Variants in HOMER2 observed in about 807,000 individuals in gnomAD.
The protein encoded by HOMER2 is homer scaffold protein 2.
Under a neutral mutation model 47.0 loss-of-function variants are expected in HOMER2, and 27 were observed. That is an observed-to-expected ratio of 0.57 (90% confidence interval 0.42 to 0.79). The LOEUF (loss-of-function observed/expected upper bound fraction) is 0.79, where lower values mean the gene tolerates loss of function less well. HOMER2 is among the 30% of genes least tolerant of loss of function. The pLI, the probability that HOMER2 is intolerant of heterozygous loss-of-function variation, is 0.00. For missense variants in HOMER2, 443 were observed against 435.0 expected (o/e 1.02, Z -0.16); for synonymous variants, 161 against 163.8 (o/e 0.98, Z 0.13).
chr15:82,978,893 G>A (rs138697662), intron 1 of HOMER2, among the ~76,000 whole-genome samples: 74 of 152,266 alleles, frequency 4.9e-4, no homozygotes, highest in African/African-American at 1.5e-3. Flanking sequence ...GCTAATTTTT[G>A]TATTTTTAGT....
At chr15:82,973,556 C>T (rs1038102239) in intron 1 of HOMER2, among the ~76,000 whole-genome samples, 1 of 152,150 alleles carries the variant, frequency 6.6e-6, no homozygotes, top group African/African-American at 2.4e-5. Flanking sequence ...AGGACAATGA[C>T]AAAATGTTTG....
upstream of HOMER2, among the ~76,000 whole-genome samples, chr15:82,955,146 G>A (rs371041402): frequency 6.6e-5 from 10 of 150,404 alleles, no homozygotes; most frequent in East Asian, 3.9e-4. Flanking sequence ...TATAATCTAC[G>A]TATTTTTACT....
At chr15:82,866,606 C>A (rs2051975257) in intron 3 of HOMER2, among the ~76,000 whole-genome samples, 1 of 152,180 alleles carries the variant, frequency 6.6e-6, no homozygotes, top group Admixed American at 6.5e-5. Context: ...TTGTAACTCC[C>A]ACAATTCCCA....
intron 1 of HOMER2, among the ~76,000 whole-genome samples, chr15:82,948,098 T>G (rs1386097983): frequency 6.6e-6 from 1 of 151,920 alleles, no homozygotes; most frequent in African/African-American, 2.4e-5. Flanking sequence ...TACAAAAGAA[T>G]TAGCTGGGTG....
At chr15:82,907,907 TA>T (rs776273209) in intron 1 of HOMER2, among the ~76,000 whole-genome samples, 4 of 152,230 alleles carry the variant, frequency 2.6e-5, no homozygotes, top group Non-Finnish European at 5.9e-5. Context: ...AATAGAGTAT[TA>T]TTTGGCAATA....
chr15:82,866,184 G>A lies in HOMER2; in HGVS notation c.295-1925C>T, dbSNP rs1042603808. The stretch of plus-strand genomic sequence containing the variant: ...AGCAGAGCTGCCCAAGACCATGGGA[G>A]CCCACCTCTTGCATCAGTGTGACCT... On this transcript the variant is annotated intron_variant, in intron 3 of 8. Transcript: ENST00000450735. 8.5e-5 allele frequency among the ~76,000 whole-genome samples: 13 copies of A among 152,234 alleles called. No individual in the cohort carries two copies. In the South Asian group the frequency reaches 1.4e-3, roughly 17 times the overall value.
Position 82,913,326 on chromosome 15 carries a change from A to G in HOMER2, c.6-20485T>C, listed in dbSNP as rs2053497929. ...AGGTTAGTCTGATTTTTTTTTTTTAACAGCAAACATTGCCTGATGTAGTCT... is the reference window on the plus strand; with the variant it reads ...AGGTTAGTCTGATTTTTTTTTTTTAGCAGCAAACATTGCCTGATGTAGTCT... On this transcript the variant is annotated intron_variant, in intron 1 of 8. Transcript: ENST00000450735. The surrounding 1 kb of genome is among the most constrained non-coding windows in gnomAD (Gnocchi z 4.1). Among the ~76,000 whole-genome samples, 1 of 151,774 alleles carries G rather than the reference A, an allele frequency of 6.6e-6. No homozygotes were observed. Among genetic ancestry groups the G allele is most frequent in the South Asian group, 2.1e-4 (1 of 4,806 alleles).
At chr15:82,858,979 G>A (rs914075805) in intron 5 of HOMER2, 50 bp downstream of exon 5, 1 of 1,580,294 alleles carries the variant, frequency 6.3e-7, no homozygotes, top group South Asian at 1.1e-5. Flanking sequence ...GGCTTCTAGG[G>A]AAGTGCTGAA....
At chr15:82,848,322 T>TA (rs894724297), downstream of HOMER2, among the ~76,000 whole-genome samples, 3 of 152,052 alleles carry the variant, frequency 2.0e-5, no homozygotes, top group African/African-American at 7.2e-5. Flanking sequence ...GTAGTCCTCT[T>TA]AGGTGGTTCT....
chr15:82,868,523 T>TTTTATATATATATATATATA (rs1453193520), intron 3 of HOMER2, among the ~76,000 whole-genome samples: 1 of 36,644 alleles, frequency 2.7e-5, no homozygotes, highest in Non-Finnish European at 4.7e-5. Flanking sequence ...CTTATTTATT[T>TTTTATATATATATATATATA]TATATATATA....
intron 6 of HOMER2, among the ~76,000 whole-genome samples, chr15:82,854,328 C>A (rs745727820): frequency 3.3e-5 from 5 of 152,158 alleles, no homozygotes; most frequent in African/African-American, 4.8e-5. Context: ...TCACTTGAAC[C>A]TGGGAGACAG....
exon 2 of HOMER2, chr15:82,837,039 G>C (rs571916018): frequency 6.6e-6 from 1 of 152,408 alleles, no homozygotes; most frequent in Admixed American, 6.5e-5. Context: ...ACAGGGCTGT[G>C]TTCTCTTCTA....
chr15:82,952,016 T>G (rs1200054856), intron 1 of HOMER2: 3 of 982,012 alleles, frequency 3.1e-6, no homozygotes, highest in African/African-American at 1.7e-5. Context: ...TCACCTAGGT[T>G]CCTTATAGAC....
chr15:82,984,286 C>T (rs1373193906), intron 1 of HOMER2, among the ~76,000 whole-genome samples: 1 of 152,038 alleles, frequency 6.6e-6, no homozygotes, highest in Admixed American at 6.6e-5. Context: ...CCCGCCTCGA[C>T]CTCCCAAAGT....
intron 1 of HOMER2, among the ~76,000 whole-genome samples, chr15:82,971,253 G>A (rs1367432302): frequency 6.6e-6 from 1 of 152,184 alleles, no homozygotes; most frequent in Admixed American, 6.5e-5. Flanking sequence ...ATGGGGGGTA[G>A]GGAAGAGGAA....
At chr15:82,968,713 AC>A (rs1417209029) in intron 1 of HOMER2, among the ~76,000 whole-genome samples, 1 of 152,222 alleles carries the variant, frequency 6.6e-6, no homozygotes, top group Non-Finnish European at 1.5e-5. Flanking sequence ...TGTGTTTCAC[AC>A]ACTGTTAAGT....
intron 1 of HOMER2, among the ~76,000 whole-genome samples, chr15:82,963,943 T>TG (rs1357966762): frequency 2.0e-5 from 3 of 152,176 alleles, no homozygotes; most frequent in African/African-American, 7.2e-5. Flanking sequence ...CCCCATGCCC[T>TG]GGCTGCTTCC....
intron 5 of HOMER2, among the ~76,000 whole-genome samples, chr15:82,855,477 G>A (rs1438218675): frequency 6.6e-6 from 1 of 152,210 alleles, no homozygotes; most frequent in African/African-American, 2.4e-5. Flanking sequence ...GGGTGGACCG[G>A]GTGACCTTCA....
chr15:82,975,277 A>G (rs1477920724), intron 1 of HOMER2, among the ~76,000 whole-genome samples: 1 of 152,234 alleles, frequency 6.6e-6, no homozygotes, highest in Non-Finnish European at 1.5e-5. Flanking sequence ...GTAAATTAGT[A>G]CAACCACTAT....
Sources: gnomAD v4.1 joint callset for allele counts (sites outside exome capture counted in the v4.1 genomes callset) on GRCh38, gnomAD v4.1.1 for gene constraint, Gnocchi (gnomAD v3.1) non-coding constraint, MANE v1.5 for transcripts, NCBI Gene and HGNC (gene_info 2026-07-23, HGNC 2026-07-21) for gene names.